Variants in RABGEF1 observed in about 807,000 individuals in gnomAD.
RABGEF1 encodes the protein RAB guanine nucleotide exchange factor 1.
Under a neutral mutation model 57.3 loss-of-function variants are expected in RABGEF1, and 26 were observed. The ratio of observed to expected loss-of-function variants is 0.45; its 90% CI spans 0.33 to 0.63. The LOEUF is 0.63. RABGEF1 is among the 20% of genes least tolerant of loss of function. The probability of loss-of-function intolerance (pLI) is 0.02; values close to 1 mark genes in which losing one functional copy is unlikely to be tolerated. For missense variants in RABGEF1, 464 were observed against 607.6 expected, an observed-to-expected ratio of 0.76 and a Z score of 2.48; for synonymous variants, 185 against 210.7, an observed-to-expected ratio of 0.88 and a Z score of 1.06.
intron 1 of RABGEF1, among the ~76,000 whole-genome samples, chr7:66,744,110 A>G (rs557746368): frequency 1.1e-3 from 165 of 149,544 alleles, no homozygotes; most frequent in Admixed American, 3.5e-3. Context: ...GATCTTGGCC[A>G]CTGCAACCTC....
intron 1 of RABGEF1, among the ~76,000 whole-genome samples, chr7:66,690,100 CTTTTT>C (rs892888858): frequency 8.1e-6 from 1 of 124,206 alleles, no homozygotes. Flanking sequence ...ATAAAAAATT[CTTTTT>C]TTTTTTTTTT....
intron 7 of RABGEF1, among the ~76,000 whole-genome samples, chr7:66,799,827 G>A (rs1266462008): frequency 2.0e-5 from 3 of 152,086 alleles, no homozygotes; most frequent in Non-Finnish European, 4.4e-5. Context: ...TAATCCCCAC[G>A]CTGGAGTAAC....
the RABGEF1 span, among the ~76,000 whole-genome samples, chr7:66,654,792 G>C: frequency 6.6e-6 from 1 of 152,240 alleles, no homozygotes; most frequent in East Asian, 1.9e-4. Flanking sequence ...CCACATTCCA[G>C]CCCCGTCAGC....
At chr7:66,692,121 T>C (rs1435572832) in intron 1 of RABGEF1, among the ~76,000 whole-genome samples, 1 of 152,230 alleles carries the variant, frequency 6.6e-6, no homozygotes, top group Non-Finnish European at 1.5e-5. Flanking sequence ...GTTTCATTTC[T>C]GCAGTTGCAC....
chr7:66,768,594 T>A (rs979308992), intron 1 of RABGEF1, among the ~76,000 whole-genome samples: 10 of 152,326 alleles, frequency 6.6e-5, no homozygotes, highest in Admixed American at 5.9e-4. Flanking sequence ...TAATGTCAGT[T>A]CATTGTTCAG....
the RABGEF1 span, among the ~76,000 whole-genome samples, chr7:66,665,736 A>G: frequency 4.6e-5 from 7 of 152,144 alleles, no homozygotes; most frequent in Admixed American, 3.9e-4. Flanking sequence ...TAGTCTGGGC[A>G]AGTGTGTTGT....
chr7:66,804,962 G>T (rs1165798156), intron 7 of RABGEF1, among the ~76,000 whole-genome samples, 178 bp from the exon 8 acceptor site: 3 of 152,036 alleles, frequency 2.0e-5, no homozygotes, highest in Non-Finnish European at 2.9e-5. Context: ...CCTGGCTCTT[G>T]GTTCTGTTTT....
rs1324324090 is a variant in RABGEF1, at chr7:66,740,758, G to A, written c.-52G>A. 1 of 152,726 alleles carries A rather than the reference G, an allele frequency of 6.5e-6. No homozygotes were observed. Among genetic ancestry groups the A allele is most frequent in the Non-Finnish European group, 1.5e-5 (1 of 68,488 alleles). The allele number at this position is 152,726 out of a possible 1,614,324, so 9.5% of individuals were successfully genotyped here. A position where few individuals can be genotyped will look rare whatever the true frequency, so the allele number is the denominator to read the frequency against. ...AGACCTACCCGGGCGAAGCGGGCGA[G>A]CGGTGGTTTGGACGCCGGCGGAGAC... On this transcript the variant is annotated 5_prime_UTR_variant, in exon 1 of 9. Transcript: ENST00000284957.
chr7:66,737,995 C>A (rs1207913487), upstream of RABGEF1, among the ~76,000 whole-genome samples: 1 of 151,392 alleles, frequency 6.6e-6, no homozygotes, highest in East Asian at 1.9e-4. Context: ...AAGCTGCAAG[C>A]TTCTTGGTTG....
At chr7:66,745,097 C>T (rs1466310839) in intron 1 of RABGEF1, among the ~76,000 whole-genome samples, 1 of 151,530 alleles carries the variant, frequency 6.6e-6, no homozygotes, top group East Asian at 1.9e-4. Context: ...GAGGCTGAGG[C>T]AGGAGAATGG....
chr7:66,654,908 C>G, the RABGEF1 span, among the ~76,000 whole-genome samples: 4 of 152,254 alleles, frequency 2.6e-5, no homozygotes, highest in African/African-American at 9.6e-5. Flanking sequence ...CCGGACAAGC[C>G]CTTGAAGGCC....
At chr7:66,782,325 TG>T (rs1810117291) in intron 3 of RABGEF1, among the ~76,000 whole-genome samples, 1 of 152,198 alleles carries the variant, frequency 6.6e-6, no homozygotes, top group African/African-American at 2.4e-5. Context: ...ACCACTGCTT[TG>T]TTTCTCCCAC....
chr7:66,714,614 G>T (rs570166031), intron 2 of RABGEF1, among the ~76,000 whole-genome samples: 4 of 152,112 alleles, frequency 2.6e-5, no homozygotes, highest in African/African-American at 9.7e-5. Context: ...ACCTTGGGTT[G>T]ATTTTACTCT....
chr7:66,663,556 G>A, the RABGEF1 span, among the ~76,000 whole-genome samples: 9 of 134,726 alleles, frequency 6.7e-5, no homozygotes, highest in Non-Finnish European at 1.4e-4. Context: ...CCAGCCTGGC[G>A]ACAGAGCAAA....
intron 2 of RABGEF1, among the ~76,000 whole-genome samples, chr7:66,716,602 GAATA>G (rs564919686): frequency 1.5e-4 from 23 of 151,910 alleles, no homozygotes; most frequent in Middle Eastern, 3.4e-3. Context: ...CTCTGTCTCA[GAATA>G]AATAAATAAA....
rs577941394 is a variant in RABGEF1 at position 66,768,515 on chromosome 7, G to T, written c.-17-3368G>T. ...AGCTTGTCTTTTTGTTTTCTAAACA[G>T]TTATTCCCAGAGCAAAATGTTTTGT... On this transcript the variant is annotated intron_variant, in intron 1 of 8. Transcript: ENST00000284957. Among the ~76,000 whole-genome samples the T allele has an allele frequency of 1.2e-4, 19 of 152,344 alleles. 1 individual carries two copies. The South Asian group carries it at 3.7e-3, about 30-fold the overall frequency.
intron 4 of RABGEF1, among the ~76,000 whole-genome samples, chr7:66,784,761 T>C (rs1170775829): frequency 1.3e-5 from 2 of 152,146 alleles, no homozygotes; most frequent in African/African-American, 4.8e-5. Flanking sequence ...CCTTCAGAAA[T>C]GTAATTAGAC....
At chr7:66,683,476 A>G (rs1377275683) in intron 1 of RABGEF1, among the ~76,000 whole-genome samples, 2 of 152,236 alleles carry the variant, frequency 1.3e-5, no homozygotes, top group East Asian at 1.9e-4. Context: ...TCTGCTCTCT[A>G]GAAGTTAGCC....
At chr7:66,714,765 C>T (rs1249200493) in intron 2 of RABGEF1, among the ~76,000 whole-genome samples, 2 of 152,090 alleles carry the variant, frequency 1.3e-5, no homozygotes, top group Non-Finnish European at 2.9e-5. Flanking sequence ...GAAACCCTGT[C>T]TCTACTAAAA....
Sources: gnomAD v4.1 joint callset for allele counts (sites outside exome capture counted in the v4.1 genomes callset) on GRCh38, gnomAD v4.1.1 for gene constraint, MANE v1.5 for transcripts, NCBI Gene and HGNC (gene_info 2026-07-23, HGNC 2026-07-21) for gene names.